The following FIGN variants were observed in gnomAD, a reference collection of about 807,000 sequenced individuals.
FIGN encodes fidgetin, microtubule severing factor.
In FIGN, 11 loss-of-function variants were observed where a neutral mutation model predicts 51.3. The ratio of observed to expected loss-of-function variants is 0.21; its 90% confidence interval spans 0.13 to 0.35. The LOEUF (loss-of-function observed/expected upper bound fraction) is 0.35, where lower values mean the gene tolerates loss of function less well. Ranked by LOEUF, FIGN falls within the 10% of genes least tolerant of loss-of-function variation. The pLI, the probability that FIGN is intolerant of heterozygous loss-of-function variation, is 1.00. For missense variants in FIGN, 857 were observed against 943.6 expected (o/e 0.91, Z 1.20); for synonymous variants, 407 against 363.2 (o/e 1.12, Z -1.37).
chr2:163,730,101 C>T (rs1001445544), intron 2 of FIGN, among the ~76,000 whole-genome samples: 48 of 152,340 alleles, frequency 3.2e-4, no homozygotes, highest in East Asian at 1.9e-4. Context: ...ACCTGTGGTG[C>T]TGCCCTAAGG....
chr2:163,660,314 A>C (rs1683632600), intron 2 of FIGN, among the ~76,000 whole-genome samples: 1 of 152,096 alleles, frequency 6.6e-6, no homozygotes, highest in South Asian at 2.1e-4. Flanking sequence ...ATGTGAAAGA[A>C]TTGATGCACC....
chr2:163,669,123 C>T (rs1382072355), intron 2 of FIGN, among the ~76,000 whole-genome samples: 1 of 151,430 alleles, frequency 6.6e-6, no homozygotes, highest in Admixed American at 6.6e-5. Context: ...TTTATATTTT[C>T]TCAACTGAAA....
At chr2:163,671,031 C>T (rs1683866686) in intron 2 of FIGN, among the ~76,000 whole-genome samples, 2 of 152,174 alleles carry the variant, frequency 1.3e-5, no homozygotes, top group Non-Finnish European at 2.9e-5. Flanking sequence ...GGAACTGGAA[C>T]TACTATATAA....
At chr2:163,665,343 T>G (rs1683756777) in intron 2 of FIGN, among the ~76,000 whole-genome samples, 1 of 152,272 alleles carries the variant, frequency 6.6e-6, no homozygotes, top group Non-Finnish European at 1.5e-5. Context: ...TCTCACAATC[T>G]TAGATGTTCT....
At chr2:163,634,692 T>G (rs995361596) in intron 2 of FIGN, among the ~76,000 whole-genome samples, 1 of 152,232 alleles carries the variant, frequency 6.6e-6, no homozygotes, top group Non-Finnish European at 1.5e-5. Flanking sequence ...GAATCCTCTA[T>G]AGCATAGCAT....
At position 163,729,324 on chromosome 2, in the gene FIGN, A is replaced by G. The variant is rs530212195; in HGVS notation, c.25+5579T>C. ...TGCCAGGAATATATCCATAAGCAAAATGGAATAAGTATGTAAAATACCAGC... is the reference window on the plus strand; with the variant it reads ...TGCCAGGAATATATCCATAAGCAAAGTGGAATAAGTATGTAAAATACCAGC... On this transcript the variant is annotated intron_variant, in intron 2 of 2. Coordinates refer to ENST00000333129, the MANE Select transcript of FIGN (RefSeq NM_018086.4). Among the ~76,000 whole-genome samples the G allele has an allele frequency of 1.9e-4, 29 of 152,314 alleles. 1 individual carries two copies. Among genetic ancestry groups the G allele is most frequent in the African/African-American group, 6.7e-4 (28 of 41,580 alleles).
At chr2:163,617,346 C>A (rs1682894761) in intron 2 of FIGN, 1 of 491,656 alleles carries the variant, frequency 2.0e-6, no homozygotes, top group Admixed American at 6.4e-5. Flanking sequence ...AAAAGATGAA[C>A]TATGTACAAA....
At chr2:163,632,052 G>A (rs1227001829) in intron 2 of FIGN, among the ~76,000 whole-genome samples, 2 of 152,246 alleles carry the variant, frequency 1.3e-5, no homozygotes, top group South Asian at 2.1e-4. Flanking sequence ...GGAGGCTAAG[G>A]CAGGAGAATC....
intron 2 of FIGN, among the ~76,000 whole-genome samples, chr2:163,729,692 AAC>A (rs1310254943): frequency 6.6e-6 from 1 of 152,224 alleles, no homozygotes; most frequent in African/African-American, 2.4e-5. Context: ...TTCAAGATGT[AAC>A]AGTTTCAAAA....
chr2:163,669,806 T>C (rs1360487827), intron 2 of FIGN, among the ~76,000 whole-genome samples: 2 of 152,192 alleles, frequency 1.3e-5, no homozygotes, highest in African/African-American at 2.4e-5. Context: ...ATTTCCCTAG[T>C]GACAATAAAA....
At chr2:163,669,035 T>TATATAC (rs1253146995) in intron 2 of FIGN, among the ~76,000 whole-genome samples, 2 of 148,588 alleles carry the variant, frequency 1.3e-5, no homozygotes, top group Admixed American at 6.7e-5. Context: ...TATATATATA[T>TATATAC]ACACTATAAA....
At chr2:163,731,791 A>T (rs559646419) in intron 2 of FIGN, among the ~76,000 whole-genome samples, 2 of 152,098 alleles carry the variant, frequency 1.3e-5, no homozygotes, top group African/African-American at 2.4e-5. Flanking sequence ...GAGAAAAGCA[A>T]ATCAACTCAC....
rs574633585 is a variant in FIGN, at chr2:163,616,105, C to A, written c.26-4299G>T. On this transcript the variant is annotated intron_variant, in intron 2 of 2. Coordinates refer to ENST00000333129, the MANE Select transcript of FIGN (RefSeq NM_018086.4). Reference sequence around the variant, plus strand: ...ATATTTCCTATATAACTGGATAGTACGGATAACATTTGCCATTCTTACCAT... The same window carrying A: ...ATATTTCCTATATAACTGGATAGTAAGGATAACATTTGCCATTCTTACCAT... 8.5e-5 allele frequency among the ~76,000 whole-genome samples: 13 copies of A among 152,160 alleles called. No homozygotes were observed. The South Asian group carries it at 2.5e-3, about 29-fold the overall frequency.
intron 2 of FIGN, among the ~76,000 whole-genome samples, chr2:163,730,256 C>G (rs565371346): frequency 6.6e-6 from 1 of 152,202 alleles, no homozygotes; most frequent in African/African-American, 2.4e-5. Context: ...TAAATGATAA[C>G]ATCAAAAATA....
chr2:163,718,341 C>T (rs964926478), intron 2 of FIGN, among the ~76,000 whole-genome samples: 2 of 152,150 alleles, frequency 1.3e-5, no homozygotes, highest in Non-Finnish European at 2.9e-5. Flanking sequence ...CAAAAGACAA[C>T]ACTTAACATA....
chr2:163,625,065 T>C (rs910104065), intron 2 of FIGN, among the ~76,000 whole-genome samples: 2 of 152,058 alleles, frequency 1.3e-5, no homozygotes, highest in African/African-American at 2.4e-5. Context: ...GTACAGCAAA[T>C]TTTAGGCTAG....
intron 2 of FIGN, among the ~76,000 whole-genome samples, chr2:163,650,347 T>C (rs1683451862): frequency 6.6e-6 from 1 of 151,616 alleles, no homozygotes; most frequent in Admixed American, 6.6e-5. Flanking sequence ...ATATATATAC[T>C]ATACACATAA....
rs900840520 is a variant in FIGN at position 163,675,706 on chromosome 2, CTTT to C, written c.25+59194_25+59196del. On this transcript the variant is annotated intron_variant, in intron 2 of 2. Coordinates refer to ENST00000333129, the MANE Select transcript of FIGN (RefSeq NM_018086.4). The stretch of plus-strand genomic sequence containing the variant: ...TGAATGTCTTTTCTTTTCTTTCTTT[CTTT>C]TTTTTTTTTTTTTTTTTTTTGTACA... Among the ~76,000 whole-genome samples the C allele has an allele frequency of 3.3e-4, 33 of 100,514 alleles. No individual in the cohort carries two copies. The South Asian group carries it at 5.1e-3, about 16-fold the overall frequency. The allele number at this position is 100,514 out of a possible 152,430, so 65.9% of individuals were successfully genotyped here.
chr2:163,617,546 T>C (rs1682900471), intron 2 of FIGN, among the ~76,000 whole-genome samples: 1 of 152,200 alleles, frequency 6.6e-6, no homozygotes, highest in Non-Finnish European at 1.5e-5. Context: ...GTTTCACTTA[T>C]AATGATGTCT....
Sources: gnomAD v4.1 joint callset for allele counts (sites outside exome capture counted in the v4.1 genomes callset) on GRCh38, gnomAD v4.1.1 for gene constraint, MANE v1.5 for transcripts, NCBI Gene and HGNC (gene_info 2026-07-23, HGNC 2026-07-21) for gene names.